SPOUT1: variants seen among roughly 807,000 people sequenced by gnomAD.
The protein encoded by SPOUT1 is SPOUT domain containing methyltransferase 1.
SPOUT1 carries 40 observed loss-of-function variants against 54.8 expected under a neutral mutation model. The ratio of observed to expected loss-of-function variants is 0.73; its 90% confidence interval spans 0.57 to 0.95. SPOUT1 has a LOEUF of 0.95. SPOUT1 is among the 40% of genes least tolerant of loss of function. The probability of loss-of-function intolerance (pLI) is 0.00; values close to 1 mark genes in which losing one functional copy is unlikely to be tolerated. For synonymous variants in SPOUT1, 193 were observed against 200.3 expected (o/e 0.96, Z 0.31); for missense variants, 437 against 499.5 (o/e 0.87, Z 1.19).
rs1830082542 is a variant in SPOUT1, at chr9:128,820,280, A to G, written c.*2485T>C. 6.4e-6 allele frequency: 1 copy of G among 156,990 alleles called. No homozygotes were observed. Among genetic ancestry groups the G allele is most frequent in the Non-Finnish European group, 1.4e-5 (1 of 70,990 alleles). The allele number at this position is 156,990 out of a possible 1,614,324, so 9.7% of individuals were successfully genotyped here. ...CCTCTGACCCAGCTTCCTTCTGGGA[A>G]GACAGCCCCCTATCCACTTTCCATT... is the stretch of plus-strand genomic sequence containing the variant. On this transcript the variant is annotated 3_prime_UTR_variant, in exon 12 of 12. Coordinates refer to ENST00000361256, the MANE Select transcript of SPOUT1 (RefSeq NM_016390.4).
rs1230844210 is a variant in SPOUT1 at position 128,821,517 on chromosome 9, A to T, written c.*1248T>A. On this transcript the variant is annotated 3_prime_UTR_variant, in exon 12 of 12. Coordinates refer to ENST00000361256, the MANE Select transcript of SPOUT1 (RefSeq NM_016390.4). ...TCCCTCCACCCTTCTCGGGAGTTTG[A>T]ATCTAGATCTGCCTGACCCAGGGCC... is the stretch of plus-strand genomic sequence containing the variant. 1 of 154,446 alleles carries T rather than the reference A, an allele frequency of 6.5e-6. No homozygotes were observed. Among genetic ancestry groups the T allele is most frequent in the Non-Finnish European group, 1.4e-5 (1 of 69,776 alleles). 9.6% of individuals were successfully genotyped at this position (154,446 alleles called of 1,614,324 possible).
In SPOUT1 at chr9:128,822,414, T is replaced by C; in HGVS notation, c.*351A>G. ...GTGCCCACACACTTCTTCAAGGTGCTGATCCTGGAGGCAGCAGGTGGGCAA... is the reference window on the plus strand; with the variant it reads ...GTGCCCACACACTTCTTCAAGGTGCCGATCCTGGAGGCAGCAGGTGGGCAA... On this transcript the variant is annotated 3_prime_UTR_variant, in exon 12 of 12. Coordinates refer to ENST00000361256, the MANE Select transcript of SPOUT1 (RefSeq NM_016390.4). 6.2e-7 allele frequency: 1 copy of C among 1,610,106 alleles called. No homozygotes were observed. Among genetic ancestry groups the C allele is most frequent in the Non-Finnish European group, 8.5e-7 (1 of 1,178,252 alleles).
chr9:128,827,077 C>T lies in SPOUT1; in HGVS notation c.323G>A (p.Cys108Tyr), dbSNP rs1314979942. ...GQIARACAIF[C>Y]VDEIVVFDEE... is the part of the protein sequence containing the mutation. ...ATCAAACACCACGATCTCATCCACA[C>T]AGAAGATGGCACAGGCTCTGGCAAT... Residue 108 changes from cysteine to tyrosine, a missense_variant, in exon 4 of 12, where the codon TGT (cysteine) becomes TAT (tyrosine). Cys to Tyr is a radical substitution (Grantham distance 194, BLOSUM62 -2). Transcript: ENST00000361256. 1 of 1,614,092 alleles carries T rather than the reference C, an allele frequency of 6.2e-7. No homozygotes were observed. Among genetic ancestry groups the T allele is most frequent in the Non-Finnish European group, 8.5e-7 (1 of 1,180,050 alleles).
intron 9 of SPOUT1, 143 bp from the exon 10 acceptor site, chr9:128,824,317 TA>T: frequency 1.6e-6 from 1 of 606,206 alleles, no homozygotes; most frequent in Admixed American, 2.4e-5. Flanking sequence ...TGTACTAAGG[TA>T]GGGGTGGGTG....
intron 8 of SPOUT1, 34 bp downstream of exon 8, chr9:128,824,943 G>A (rs760765507): frequency 6.3e-7 from 1 of 1,598,236 alleles, no homozygotes; most frequent in Non-Finnish European, 8.6e-7. Context: ...GAGCTCATCA[G>A]GCCAACCCAG....
In SPOUT1 at chr9:128,822,289, C is replaced by G; in HGVS notation, c.*476G>C. 1 of 1,597,714 alleles carries G rather than the reference C, an allele frequency of 6.3e-7. No homozygotes were observed. Among genetic ancestry groups the G allele is most frequent in the Non-Finnish European group, 8.5e-7 (1 of 1,171,980 alleles). Reference sequence around the variant, plus strand: ...CTGGAAGAGGTGGCTTTGGGTTCATCCAGGCCCCCTGCCCACGTGTGCCTG... The same window carrying G: ...CTGGAAGAGGTGGCTTTGGGTTCATGCAGGCCCCCTGCCCACGTGTGCCTG... On this transcript the variant is annotated 3_prime_UTR_variant, in exon 12 of 12. Transcript: ENST00000361256.
chr9:128,825,519 A>C (rs182430731), intron 7 of SPOUT1, among the ~76,000 whole-genome samples: 5 of 152,114 alleles, frequency 3.3e-5, no homozygotes, highest in Admixed American at 3.3e-4. Flanking sequence ...TTTATTAGAG[A>C]CAGGGTTTCA....
In SPOUT1 at chr9:128,826,656, G is replaced by T; in HGVS notation, c.369-27C>A. On this transcript the variant is annotated intron_variant, in intron 4 of 11. Coordinates refer to ENST00000361256, the MANE Select transcript of SPOUT1 (RefSeq NM_016390.4). The surrounding 1 kb of genome is among the most constrained non-coding windows in gnomAD (Gnocchi z 5.5). ...TGGAGAGAGAGAGATGGGGGCTCAG[G>T]ATCCAGCTGTGGCCCCTTCAAGAGC... The T allele has an allele frequency of 6.7e-7, 1 of 1,490,260 alleles. No individual in the cohort carries two copies. Among genetic ancestry groups the T allele is most frequent in the Admixed American group, 2.1e-5 (1 of 48,712 alleles). The allele number at this position is 1,490,260 out of a possible 1,614,324, so 92.3% of individuals were successfully genotyped here. A position where few individuals can be genotyped will look rare whatever the true frequency, so the allele number is the denominator to read the frequency against.
At position 128,822,778 on chromosome 9, in the gene SPOUT1, G is replaced by A. The variant is rs982984841; in HGVS notation, c.1118C>T (p.Ala373Val). 6.3e-7 allele frequency: 1 copy of A among 1,581,936 alleles called. No individual in the cohort carries two copies. The highest frequency in any genetic ancestry group is 1.2e-5 in the South Asian group (1 of 86,604). ...CCCTTAGAACTTTCAGGTGTGCCGG[G>A]CACCCGCCTGGATGAGGCCAGGCTG... ...ALQPGLIQAGARHT is the reference protein window; with the variant it reads ...ALQPGLIQAGVRHT Residue 373 changes from alanine to valine, a missense_variant, in exon 12 of 12, where the codon GCC becomes GTC. Coordinates refer to ENST00000361256, the MANE Select transcript of SPOUT1 (RefSeq NM_016390.4).
At position 128,827,610 on chromosome 9, in the gene SPOUT1, C is replaced by T. The variant is rs539641805; in HGVS notation, c.209-419G>A. ...TTTACAGACCAGGGGCCTTCAGCCC[C>T]GGGAAGTCAAATACATGGCCCAAGG... On this transcript the variant is annotated intron_variant, in intron 3 of 11. Transcript: ENST00000361256. 5.9e-5 allele frequency among the ~76,000 whole-genome samples: 9 copies of T among 152,364 alleles called. No individual in the cohort carries two copies. The South Asian group carries it at 1.0e-3, about 18-fold the overall frequency.
chr9:128,823,917 A>G, intron 10 of SPOUT1, 23 bp from the exon 11 acceptor site: 1 of 1,610,738 alleles, frequency 6.2e-7, no homozygotes, highest in Non-Finnish European at 8.5e-7. Context: ...AGAGGGGGTC[A>G]CCTGAGCGGC....
intron 1 of SPOUT1, 85 bp from the exon 2 acceptor site, chr9:128,829,240 C>T: frequency 2.6e-6 from 3 of 1,170,084 alleles, no homozygotes; most frequent in South Asian, 2.4e-5. Context: ...CATAGCCAGC[C>T]CCTCCACACG....
In SPOUT1 at chr9:128,822,723, T is replaced by TTTCACTGCTGC; in HGVS notation, c.*31_*41dup. The TTTCACTGCTGC allele has an allele frequency of 6.4e-7, 1 of 1,556,772 alleles. No individual in the cohort carries two copies. Among genetic ancestry groups the TTTCACTGCTGC allele is most frequent in the Non-Finnish European group, 8.7e-7 (1 of 1,149,436 alleles). On this transcript the variant is annotated 3_prime_UTR_variant, in exon 12 of 12. Transcript: ENST00000361256. ...CCCAAGTGACCTGCAGAGCCCCTGG[T>TTTCACTGCTGC]TTCACTGCTGCTTCACTGATGTCCT...
At chr9:128,828,590 T>C in intron 3 of SPOUT1, 145 bp downstream of exon 3, 1 of 878,138 alleles carries the variant, frequency 1.1e-6, no homozygotes, top group Non-Finnish European at 1.8e-6. Context: ...CTCCCTCCCT[T>C]CTCTGGGCCT....
chr9:128,828,940 G>C, intron 2 of SPOUT1, 80 bp from the exon 3 acceptor site: 2 of 1,588,322 alleles, frequency 1.3e-6, no homozygotes, highest in East Asian at 2.2e-5. Flanking sequence ...GAGCTGCTGG[G>C]TGAGCAGCCA....
chr9:128,829,088 ACT>A lies in SPOUT1; in HGVS notation c.82+20_82+21del. On this transcript the variant is annotated intron_variant, in intron 2 of 11. Transcript: ENST00000361256. ...CTGGTGGAGTGGCCTATGGGAAGAT[ACT>A]CTTACCCACCCTTACTTACTCTGTT... 6.2e-7 allele frequency: 1 copy of A among 1,604,584 alleles called. No individual in the cohort carries two copies. The highest frequency in any genetic ancestry group is 8.5e-7 in the Non-Finnish European group (1 of 1,171,440).
chr9:128,827,245 T>C, intron 3 of SPOUT1, 54 bp from the exon 4 acceptor site: 1 of 1,511,532 alleles, frequency 6.6e-7, no homozygotes, highest in South Asian at 1.2e-5. Context: ...GCCCCCTACC[T>C]TTCTCTCCCT....
rs1026176659 is a variant in SPOUT1 at position 128,820,539 on chromosome 9, G to A, written c.*2226C>T. The A allele has an allele frequency of 4.0e-5, 23 of 579,012 alleles. No individual in the cohort carries two copies. Among genetic ancestry groups the A allele is most frequent in the South Asian group, 2.8e-4 (13 of 46,258 alleles). The allele number at this position is 579,012 out of a possible 1,614,324, so 35.9% of individuals were successfully genotyped here. A position where few individuals can be genotyped will look rare whatever the true frequency, so the allele number is the denominator to read the frequency against. On this transcript the variant is annotated 3_prime_UTR_variant, in exon 12 of 12. Coordinates refer to ENST00000361256, the MANE Select transcript of SPOUT1 (RefSeq NM_016390.4). Reference sequence around the variant, plus strand: ...AAAGACTTTGACACCTGGGCTGTGGGAGGGACAGAGGGTGGTGGCTAGCAC... The same window carrying A: ...AAAGACTTTGACACCTGGGCTGTGGAAGGGACAGAGGGTGGTGGCTAGCAC...
rs1830097796 is a variant in SPOUT1, at chr9:128,820,821, T to G, written c.*1944A>C. The G allele has an allele frequency of 4.3e-6, 7 of 1,611,446 alleles. No homozygotes were observed. Among genetic ancestry groups the G allele is most frequent in the Non-Finnish European group, 5.1e-6 (6 of 1,178,824 alleles). On this transcript the variant is annotated 3_prime_UTR_variant, in exon 12 of 12. Coordinates refer to ENST00000361256, the MANE Select transcript of SPOUT1 (RefSeq NM_016390.4). Reference sequence around the variant, plus strand: ...ACCCGCAGCTACCAAAACGTCTATGTCTGCACAGGGCCACTCTTCCTGCCC... The same window carrying G: ...ACCCGCAGCTACCAAAACGTCTATGGCTGCACAGGGCCACTCTTCCTGCCC...
Sources: allele counts gnomAD v4.1 joint callset (sites outside exome capture counted in the v4.1 genomes callset), GRCh38; gene constraint gnomAD v4.1.1; non-coding constraint Gnocchi (gnomAD v3.1); transcripts MANE v1.5; gene names NCBI Gene and HGNC (gene_info 2026-07-23, HGNC 2026-07-21).